KSR2: variants seen among roughly 807,000 people sequenced by gnomAD.
KSR2 encodes kinase suppressor of ras 2.
KSR2 carries 25 observed loss-of-function variants against 107.8 expected under a neutral mutation model. The ratio of observed to expected loss-of-function variants is 0.23; its 90% CI spans 0.17 to 0.32. KSR2 has a LOEUF of 0.32. Among genes scored for constraint, KSR2 ranks in the 10% least tolerant of loss-of-function variants. KSR2 has a pLI of 1.00. For synonymous variants in KSR2, 480 were observed against 507.0 expected (o/e 0.95, Z 0.71); for missense variants, 887 against 1,268.9 (o/e 0.70, Z 4.57).
At chr12:117,584,735 T>C (rs992949708) in intron 5 of KSR2, among the ~76,000 whole-genome samples, 4 of 152,218 alleles carry the variant, frequency 2.6e-5, no homozygotes, top group Non-Finnish European at 1.5e-5. Context: ...ATTATTATAA[T>C]AGAAACATCA....
At chr12:117,527,996 T>TGTGTGA (rs967654168) in intron 12 of KSR2, among the ~76,000 whole-genome samples, 1 of 143,094 alleles carries the variant, frequency 7.0e-6, no homozygotes, top group East Asian at 2.0e-4. Flanking sequence ...TGTGTGTGTG[T>TGTGTGA]GATGCATTCA....
At chr12:117,673,498 A>G (rs1884997520) in intron 4 of KSR2, among the ~76,000 whole-genome samples, 1 of 152,194 alleles carries the variant, frequency 6.6e-6, no homozygotes, top group African/African-American at 2.4e-5. Flanking sequence ...TGGTGGGATG[A>G]AAAGATGGAG....
intron 4 of KSR2, among the ~76,000 whole-genome samples, chr12:117,759,539 T>A (rs572863952): frequency 9.8e-5 from 15 of 152,368 alleles, no homozygotes; most frequent in African/African-American, 3.6e-4. Context: ...TCAATGGTAC[T>A]AATTACATTT....
intron 1 of KSR2, among the ~76,000 whole-genome samples, chr12:117,890,293 G>C (rs1321026841): frequency 2.0e-5 from 3 of 152,176 alleles, no homozygotes; most frequent in Non-Finnish European, 4.4e-5. Flanking sequence ...CTAGTAACTA[G>C]TTTGATCTTC....
chr12:117,855,304 G>C, intron 3 of KSR2, 124 bp downstream of exon 3: 1 of 1,293,218 alleles, frequency 7.7e-7, no homozygotes, highest in East Asian at 2.4e-5. Flanking sequence ...CTGCGTTTCG[G>C]ATTTGCCCCC....
Position 117,505,036 on chromosome 12 carries a change from T to C in KSR2, c.2220-19345A>G, listed in dbSNP as rs1302687146. Among the ~76,000 whole-genome samples, 88 of 152,320 alleles carry C rather than the reference T, an allele frequency of 5.8e-4. 2 individuals carry two copies. The highest frequency in any genetic ancestry group is 2.5e-4 in the Non-Finnish European group (17 of 68,030). On this transcript the variant is annotated intron_variant, in intron 14 of 19. Transcript: ENST00000339824. ...GTTTGGTTTCCATTCCTGAGTTACT[T>C]AATAATGGCCTCCAGCTTCATCCAA... is the stretch of plus-strand genomic sequence containing the variant.
At chr12:117,835,715 G>A (rs1378396822) in intron 3 of KSR2, among the ~76,000 whole-genome samples, 7 of 152,064 alleles carry the variant, frequency 4.6e-5, no homozygotes, top group Non-Finnish European at 1.0e-4. Context: ...GGCATCCAGT[G>A]GGTAGAGGCC....
chr12:117,562,691 T>C (rs1878204639), intron 7 of KSR2, among the ~76,000 whole-genome samples: 1 of 152,160 alleles, frequency 6.6e-6, no homozygotes, highest in South Asian at 2.1e-4. Context: ...CCTGCTCTCC[T>C]CCTTGGCAAT....
intron 5 of KSR2, among the ~76,000 whole-genome samples, chr12:117,610,296 C>G (rs570840406): frequency 6.6e-6 from 1 of 152,066 alleles, no homozygotes; most frequent in East Asian, 1.9e-4. Flanking sequence ...CACGGATGCT[C>G]GCAAAGCTCT....
intron 1 of KSR2, among the ~76,000 whole-genome samples, chr12:117,865,687 A>G (rs1435978739): frequency 6.6e-6 from 1 of 152,116 alleles, no homozygotes; most frequent in African/African-American, 2.4e-5. Flanking sequence ...GGTAATATCA[A>G]CTTGGAAGCC....
chr12:117,527,634 A>T (rs1875295621), intron 12 of KSR2, among the ~76,000 whole-genome samples: 1 of 152,166 alleles, frequency 6.6e-6, no homozygotes, highest in Admixed American at 6.5e-5. Flanking sequence ...TATTTAATAG[A>T]TGTGTGTGCC....
At chr12:117,963,409 G>A (rs1488935213) in intron 1 of KSR2, among the ~76,000 whole-genome samples, 1 of 152,020 alleles carries the variant, frequency 6.6e-6, no homozygotes, top group Non-Finnish European at 1.5e-5. Flanking sequence ...AGATCAGCTG[G>A]AGCAACATAG....
chr12:117,530,543 G>T (rs937825944), intron 12 of KSR2, among the ~76,000 whole-genome samples: 3 of 152,268 alleles, frequency 2.0e-5, no homozygotes, highest in Non-Finnish European at 4.4e-5. Context: ...ACTTTTGAAA[G>T]TTATTCCATG....
chr12:117,795,909 CCAA>C (rs1232365143), intron 3 of KSR2, among the ~76,000 whole-genome samples: 3 of 152,080 alleles, frequency 2.0e-5, no homozygotes, highest in African/African-American at 7.2e-5. Context: ...CCACATCTGG[CCAA>C]AGCCTGTGTT....
intron 9 of KSR2, among the ~76,000 whole-genome samples, chr12:117,544,238 C>T (rs1761250056): frequency 6.6e-6 from 1 of 152,146 alleles, no homozygotes; most frequent in Non-Finnish European, 1.5e-5. Flanking sequence ...ATCAGATATA[C>T]ACCAAAGTAT....
At chr12:117,860,703 C>T (rs1369216451) in intron 1 of KSR2, among the ~76,000 whole-genome samples, 1 of 152,056 alleles carries the variant, frequency 6.6e-6, no homozygotes, top group Non-Finnish European at 1.5e-5. Flanking sequence ...CACAATTGCA[C>T]ACATCTTTTT....
At chr12:117,631,356 C>T (rs528709578) in intron 5 of KSR2, among the ~76,000 whole-genome samples, 2 of 152,202 alleles carry the variant, frequency 1.3e-5, no homozygotes, top group South Asian at 2.1e-4. Context: ...CTGGCTGAGT[C>T]GGGAGCTGCT....
intron 1 of KSR2, among the ~76,000 whole-genome samples, chr12:117,917,483 A>G (rs1205514059): frequency 6.6e-6 from 1 of 152,180 alleles, no homozygotes; most frequent in Non-Finnish European, 1.5e-5. Flanking sequence ...TTGAGGCTAC[A>G]GTGATCATGT....
chr12:117,702,534 G>A (rs952904468), intron 4 of KSR2, among the ~76,000 whole-genome samples: 5 of 152,228 alleles, frequency 3.3e-5, no homozygotes, highest in Non-Finnish European at 5.9e-5. Flanking sequence ...AGTCCCTGGG[G>A]TGAATAGGTG....
Sources: gnomAD v4.1 joint callset for allele counts (sites outside exome capture counted in the v4.1 genomes callset) on GRCh38, gnomAD v4.1.1 for gene constraint, MANE v1.5 for transcripts, NCBI Gene and HGNC (gene_info 2026-07-23, HGNC 2026-07-21) for gene names.